Variants in TNKS observed in about 807,000 individuals in gnomAD.
TNKS encodes tankyrase, also known as poly [ADP-ribose] polymerase tankyrase-1.
TNKS carries 72 observed loss-of-function variants against 135.8 expected under a neutral mutation model. The observed-to-expected ratio is 0.53, with a 90% CI of 0.44 to 0.64. TNKS has a LOEUF of 0.64. Among genes scored for constraint, TNKS ranks in the 30% least tolerant of loss-of-function variants. The pLI, the probability that TNKS is intolerant of heterozygous loss-of-function variation, is 0.00. For missense variants in TNKS, 1,769 were observed against 1,674.0 expected (o/e 1.06, Z -0.99); for synonymous variants, 849 against 649.3 (o/e 1.31, Z -4.68).
chr8:9,650,264 A>G (rs1801096211), intron 3 of TNKS, among the ~76,000 whole-genome samples: 1 of 152,084 alleles, frequency 6.6e-6, no homozygotes, highest in Non-Finnish European at 1.5e-5. Flanking sequence ...TGCAGTTGCA[A>G]ATTGTGCTGC....
At chr8:9,747,751 A>G (rs1806311643) in intron 17 of TNKS, among the ~76,000 whole-genome samples, 1 of 152,208 alleles carries the variant, frequency 6.6e-6, no homozygotes, top group South Asian at 2.1e-4. Flanking sequence ...AAAGTTGAAT[A>G]TATTAGAGGG....
intron 2 of TNKS, among the ~76,000 whole-genome samples, chr8:9,585,682 G>C (rs1423603314): frequency 1.3e-5 from 2 of 152,146 alleles, no homozygotes; most frequent in African/African-American, 4.8e-5. Flanking sequence ...AGTAAGAAAG[G>C]CTGAATCAAG....
intron 9 of TNKS, 90 bp from the exon 10 acceptor site, chr8:9,709,865 T>C (rs1424203500): frequency 1.1e-6 from 1 of 923,528 alleles, no homozygotes; most frequent in Non-Finnish European, 1.7e-6. Flanking sequence ...GATAACAATG[T>C]TTTAAATGGT....
At chr8:9,736,265 C>G (rs1402052237) in intron 17 of TNKS, among the ~76,000 whole-genome samples, 1 of 150,554 alleles carries the variant, frequency 6.6e-6, no homozygotes, top group Admixed American at 6.6e-5. Context: ...CGCCTGTAAT[C>G]CCAGCCATTC....
chr8:9,687,926 A>T (rs1803082280), intron 5 of TNKS, among the ~76,000 whole-genome samples: 1 of 152,220 alleles, frequency 6.6e-6, no homozygotes, highest in Admixed American at 6.5e-5. Flanking sequence ...TTTACAAGTA[A>T]ACCGAACTTT....
intron 2 of TNKS, among the ~76,000 whole-genome samples, chr8:9,584,493 T>C (rs545434842): frequency 2.4e-4 from 37 of 152,336 alleles, no homozygotes; most frequent in Admixed American, 3.9e-4. Context: ...TAATGTTTCC[T>C]ACTAAAAGAC....
chr8:9,586,029 A>T (rs1291321475), intron 2 of TNKS, among the ~76,000 whole-genome samples: 1 of 152,176 alleles, frequency 6.6e-6, no homozygotes, highest in African/African-American at 2.4e-5. Context: ...GAGATAATAT[A>T]CGTGAAACAC....
intron 9 of TNKS, among the ~76,000 whole-genome samples, chr8:9,708,984 A>C (rs1012856860): frequency 1.0e-5 from 1 of 99,062 alleles, no homozygotes; most frequent in African/African-American, 3.5e-5. Context: ...TCTTAAAACT[A>C]TCCACGTTTT....
At chr8:9,680,645 T>C in intron 4 of TNKS, 80 bp from the exon 5 acceptor site, 1 of 930,364 alleles carries the variant, frequency 1.1e-6, no homozygotes, top group Non-Finnish European at 1.7e-6. Flanking sequence ...CATATTTTAC[T>C]CTCGTGTGAA....
At chr8:9,742,622 C>T (rs1022321154) in intron 17 of TNKS, among the ~76,000 whole-genome samples, 4 of 151,270 alleles carry the variant, frequency 2.6e-5, no homozygotes, top group Non-Finnish European at 5.9e-5. Context: ...CGTTGGGAGG[C>T]TGAGACAGCA....
At chr8:9,764,394 G>GTT (rs1346634165) in intron 22 of TNKS, among the ~76,000 whole-genome samples, 2 of 152,034 alleles carry the variant, frequency 1.3e-5, no homozygotes, top group African/African-American at 4.8e-5. Flanking sequence ...AGGAGTTTTT[G>GTT]TTTGACTTAA....
At position 9,780,990 on chromosome 8, in the gene TNKS, A is replaced by C. The variant is rs1234377091; in HGVS notation, c.*4254A>C. On this transcript the variant is annotated 3_prime_UTR_variant, in exon 27 of 27. Transcript: ENST00000310430. ...CCTTGTAGAATATGAGTGATATGCAAGCTGTGTTTTTTAATTGTTTTAAAA... is the reference window on the plus strand; with the variant it reads ...CCTTGTAGAATATGAGTGATATGCACGCTGTGTTTTTTAATTGTTTTAAAA... The C allele has an allele frequency of 6.6e-6, 1 of 152,182 alleles. No homozygotes were observed. The highest frequency in any genetic ancestry group is 1.5e-5 in the Non-Finnish European group (1 of 68,032). The allele number at this position is 152,182 out of a possible 1,614,324, so 9.4% of individuals were successfully genotyped here.
chr8:9,615,771 A>G (rs1799623166), intron 3 of TNKS, 94 bp downstream of exon 3: 1 of 979,696 alleles, frequency 1.0e-6, no homozygotes, highest in South Asian at 1.6e-5. Flanking sequence ...CTTTTCACTG[A>G]TGAAGCTAAG....
chr8:9,634,568 G>A (rs929246532), intron 3 of TNKS, among the ~76,000 whole-genome samples: 4 of 152,198 alleles, frequency 2.6e-5, no homozygotes, highest in African/African-American at 7.2e-5. Flanking sequence ...AAGTAAATGT[G>A]TTGGGAGCAA....
chr8:9,708,531 T>C (rs759131636), intron 9 of TNKS, 39 bp downstream of exon 9: 50 of 1,474,030 alleles, frequency 3.4e-5, no homozygotes, highest in Non-Finnish European at 4.5e-5. Context: ...GTGTCTATAA[T>C]AATAACGTAA....
intron 3 of TNKS, among the ~76,000 whole-genome samples, chr8:9,619,038 T>G (rs895148533): frequency 6.6e-6 from 1 of 152,180 alleles, no homozygotes; most frequent in African/African-American, 2.4e-5. Flanking sequence ...TGTTTCACAT[T>G]TAGGTAGGTT....
At chr8:9,563,369 G>C (rs1458806436) in intron 1 of TNKS, among the ~76,000 whole-genome samples, 2 of 151,768 alleles carry the variant, frequency 1.3e-5, no homozygotes, top group Non-Finnish European at 2.9e-5. Flanking sequence ...TTCTGTAAAT[G>C]GCCAGATAGT....
In TNKS at chr8:9,766,343, A is replaced by G. The variant is rs1396577549; in HGVS notation, c.3658A>G (p.Lys1220Glu). 6.2e-7 allele frequency: 1 copy of G among 1,613,996 alleles called. No homozygotes were observed. ...AGIYFAENSS[K>E]SNQYVYGIGG... ...GATTTATTTTGCTGAAAACTCCTCA[A>G]AAAGCAACCAATATGTTTATGGAAT... Residue 1220 changes from lysine to glutamate, a missense_variant, in exon 25 of 27, where the codon AAA becomes GAA. Physicochemically the swap from Lys to Glu is moderately conservative, Grantham distance 56. This residue lies in a region of TNKS where 722 missense variants were observed against 688.9 expected (regional missense o/e 1.05). Transcript: ENST00000310430.
At chr8:9,578,059 C>T (rs776444417) in intron 1 of TNKS, among the ~76,000 whole-genome samples, 18 of 152,300 alleles carry the variant, frequency 1.2e-4, no homozygotes, top group Non-Finnish European at 1.5e-4. Context: ...CTTGACTCCA[C>T]GGCTCACATC....
Sources: gnomAD v4.1 joint callset for allele counts (sites outside exome capture counted in the v4.1 genomes callset) on GRCh38, gnomAD v4.1.1 for gene constraint, gnomAD v4.1.1 regional missense constraint, MANE v1.5 for transcripts, NCBI Gene and HGNC (gene_info 2026-07-23, HGNC 2026-07-21) for gene names.